The following PTPRG variants were observed in gnomAD, a reference collection of about 807,000 sequenced individuals.
PTPRG encodes the protein receptor-type tyrosine-protein phosphatase gamma.
PTPRG carries 102 observed loss-of-function variants against 165.3 expected under a neutral mutation model. The ratio of observed to expected loss-of-function variants is 0.62; its 90% CI spans 0.53 to 0.73. The LOEUF is 0.73. PTPRG is among the 30% of genes least tolerant of loss of function. The probability of loss-of-function intolerance (pLI) is 0.00; values close to 1 mark genes in which losing one functional copy is unlikely to be tolerated. For synonymous variants in PTPRG, 675 were observed against 669.5 expected, an observed-to-expected ratio of 1.01 and a Z score of -0.13; for missense variants, 1,866 against 1,861.4, an observed-to-expected ratio of 1.00 and a Z score of -0.05.
intron 1 of PTPRG, chr3:61,739,019 C>T (rs1457663504): frequency 3.1e-5 from 3 of 95,724 alleles, no homozygotes; most frequent in Non-Finnish European, 3.9e-5. Flanking sequence ...GAGATGGGGT[C>T]TTGCTTTGTT....
intron 10 of PTPRG, among the ~76,000 whole-genome samples, chr3:62,201,291 T>C (rs1178299213): frequency 6.6e-6 from 1 of 152,202 alleles, no homozygotes; most frequent in Non-Finnish European, 1.5e-5. Flanking sequence ...GTCAGCACGC[T>C]ACTACCCACA....
In PTPRG at chr3:62,245,750, T is replaced by C. The variant is rs1240880162; in HGVS notation, c.2467+1852T>C. 3.3e-5 allele frequency among the ~76,000 whole-genome samples: 5 copies of C among 152,114 alleles called. No homozygotes were observed. In the East Asian group the frequency reaches 5.8e-4, roughly 18 times the overall value. On this transcript the variant is annotated intron_variant, in intron 15 of 29. Transcript: ENST00000474889. This position sits in a 1 kb window ranked among gnomAD's most constrained non-coding sequence, Gnocchi z 4.2. Reference sequence around the variant, plus strand: ...CGAAACGTGTAAGCTGTTGCAACTTTCCTTCCCAAATCATGGTACTGGTAA... The same window carrying C: ...CGAAACGTGTAAGCTGTTGCAACTTCCCTTCCCAAATCATGGTACTGGTAA...
chr3:61,693,796 A>G (rs1575593464), intron 1 of PTPRG, among the ~76,000 whole-genome samples: 1 of 152,140 alleles, frequency 6.6e-6, no homozygotes, highest in African/African-American at 2.4e-5. Context: ...GCCTGAGCTC[A>G]GGAGTTCGAG....
At chr3:62,171,537 A>G (rs11711888) in intron 8 of PTPRG, among the ~76,000 whole-genome samples, 2,303 of 152,330 alleles carry the variant, frequency 0.015, 24 homozygotes, top group Non-Finnish European at 0.026. Flanking sequence ...TCATCGCCAC[A>G]GAAAGTTCCT....
chr3:62,126,061 C>T (rs987025793), intron 5 of PTPRG, among the ~76,000 whole-genome samples: 5 of 152,164 alleles, frequency 3.3e-5, no homozygotes, highest in African/African-American at 1.2e-4. Context: ...AAGTTTGATC[C>T]TCATGAAAAT....
At chr3:62,206,368 A>C (rs1700230443) in intron 12 of PTPRG, among the ~76,000 whole-genome samples, 2 of 152,284 alleles carry the variant, frequency 1.3e-5, no homozygotes, top group South Asian at 4.1e-4. Flanking sequence ...GAGTCAGATC[A>C]ACCCAGTTGG....
chr3:61,581,310 A>G (rs1332425908), intron 1 of PTPRG, among the ~76,000 whole-genome samples: 3 of 152,190 alleles, frequency 2.0e-5, no homozygotes, highest in African/African-American at 7.2e-5. Context: ...GACACTAGCT[A>G]ATCAGACTCA....
intron 1 of PTPRG, among the ~76,000 whole-genome samples, chr3:61,636,296 G>A (rs1040545421): frequency 3.3e-5 from 5 of 152,000 alleles, no homozygotes; most frequent in South Asian, 2.1e-4. Context: ...TATTATACCC[G>A]AAAGAAACCT....
intron 2 of PTPRG, among the ~76,000 whole-genome samples, chr3:61,873,969 G>A (rs1232719185): frequency 1.3e-5 from 2 of 152,158 alleles, no homozygotes; most frequent in Non-Finnish European, 2.9e-5. Flanking sequence ...GTTGATTCAA[G>A]TACTGGACAG....
chr3:62,105,306 G>A (rs1702436683), intron 5 of PTPRG, among the ~76,000 whole-genome samples: 1 of 152,148 alleles, frequency 6.6e-6, no homozygotes, highest in Non-Finnish European at 1.5e-5. Context: ...TAATGTTCTG[G>A]TGTGTGATCT....
At chr3:61,666,328 C>G (rs186644026) in intron 1 of PTPRG, among the ~76,000 whole-genome samples, 1 of 152,336 alleles carries the variant, frequency 6.6e-6, no homozygotes, top group Admixed American at 6.5e-5. Flanking sequence ...CATTTGATAG[C>G]AGTTCACAGA....
chr3:62,195,056 T>G lies in PTPRG; in HGVS notation c.1219-6T>G. ...AACTCACTGCTTTTTCCTTCTTTACTTACAGAAAGCCACCATTAGCCATGT... is the reference window on the plus strand; with the variant it reads ...AACTCACTGCTTTTTCCTTCTTTACGTACAGAAAGCCACCATTAGCCATGT... On this transcript the variant is annotated splice_region_variant and splice_polypyrimidine_tract_variant and intron_variant, in intron 9 of 29. Coordinates refer to ENST00000474889, the MANE Select transcript of PTPRG (RefSeq NM_002841.4). This position sits in a 1 kb window ranked among gnomAD's most constrained non-coding sequence, Gnocchi z 4.4. 6.2e-7 allele frequency: 1 copy of G among 1,613,790 alleles called. No individual in the cohort carries two copies.
At chr3:61,759,001 C>A (rs1360055011) in intron 2 of PTPRG, among the ~76,000 whole-genome samples, 1 of 152,110 alleles carries the variant, frequency 6.6e-6, no homozygotes, top group Non-Finnish European at 1.5e-5. Flanking sequence ...TTATATGATC[C>A]TGTTGTGCTC....
intron 5 of PTPRG, among the ~76,000 whole-genome samples, chr3:62,105,044 A>G (rs1702423361): frequency 7.0e-6 from 1 of 143,838 alleles, no homozygotes; most frequent in South Asian, 2.3e-4. Flanking sequence ...CTTAAACAAT[A>G]TAGTTCAGGC....
In PTPRG at chr3:62,219,983, T is replaced by G. The variant is rs2106889188; in HGVS notation, c.2288+1000T>G. 6.6e-6 allele frequency among the ~76,000 whole-genome samples: 1 copy of G among 152,046 alleles called. No individual in the cohort carries two copies. The highest frequency in any genetic ancestry group is 1.9e-4 in the East Asian group (1 of 5,172). The stretch of plus-strand genomic sequence containing the variant: ...GGGGCCCATGGGGGCCTAGCAGGAG[T>G]GTTCAGAGTGGTCAAGGAGATGATA... On this transcript the variant is annotated intron_variant, in intron 13 of 29. Coordinates refer to ENST00000474889, the MANE Select transcript of PTPRG (RefSeq NM_002841.4). The surrounding 1 kb of genome is among the most constrained non-coding windows in gnomAD (Gnocchi z 4.5).
At chr3:62,147,431 C>A (rs895862337) in intron 6 of PTPRG, among the ~76,000 whole-genome samples, 1 of 152,178 alleles carries the variant, frequency 6.6e-6, no homozygotes, top group Non-Finnish European at 1.5e-5. Flanking sequence ...GGGCCCTTTG[C>A]TGTGAGTCCT....
At chr3:61,940,682 T>TG (rs2039601103) in intron 2 of PTPRG, among the ~76,000 whole-genome samples, 1 of 92,222 alleles carries the variant, frequency 1.1e-5, no homozygotes, top group African/African-American at 3.5e-5. Context: ...TTTTATTTTT[T>TG]TGACAGAGTC....
chr3:61,726,119 T>A (rs2032245385), intron 1 of PTPRG, among the ~76,000 whole-genome samples: 1 of 152,198 alleles, frequency 6.6e-6, no homozygotes, highest in Non-Finnish European at 1.5e-5. Flanking sequence ...GTTTAAATAT[T>A]TCCAGTGGAT....
intron 4 of PTPRG, among the ~76,000 whole-genome samples, chr3:62,064,250 T>C (rs7642181): frequency 0.083 from 12,577 of 152,244 alleles, 1,034 homozygotes; most frequent in African/African-American, 0.2. Flanking sequence ...TACTGTTAGT[T>C]TGTGCTGTTT....
Sources: gnomAD v4.1 joint callset for allele counts (sites outside exome capture counted in the v4.1 genomes callset) on GRCh38, gnomAD v4.1.1 for gene constraint, Gnocchi (gnomAD v3.1) non-coding constraint, MANE v1.5 for transcripts, NCBI Gene and HGNC (gene_info 2026-07-23, HGNC 2026-07-21) for gene names.